DOCK9: variants seen among roughly 807,000 people sequenced by gnomAD.
DOCK9 encodes dedicator of cytokinesis protein 9.
In DOCK9, 89 loss-of-function variants were observed where a neutral mutation model predicts 263.3. The observed-to-expected ratio is 0.34, with a 90% CI of 0.28 to 0.40. The LOEUF (loss-of-function observed/expected upper bound fraction) is 0.40, where lower values mean the gene tolerates loss of function less well. Among genes scored for constraint, DOCK9 ranks in the 10% least tolerant of loss-of-function variants. The pLI is 1.00. For synonymous variants in DOCK9, 976 were observed against 973.1 expected, an observed-to-expected ratio of 1.00 and a Z score of -0.06; for missense variants, 2,140 against 2,603.4, an observed-to-expected ratio of 0.82 and a Z score of 3.87.
chr13:98,957,129 G>A (rs1369995972), intron 1 of DOCK9, among the ~76,000 whole-genome samples: 1 of 152,134 alleles, frequency 6.6e-6, no homozygotes, highest in East Asian at 1.9e-4. Context: ...CTGCAGCCAC[G>A]CACACAGGAT....
At chr13:98,926,679 A>G (rs1225683766) in intron 3 of DOCK9, among the ~76,000 whole-genome samples, 1 of 152,250 alleles carries the variant, frequency 6.6e-6, no homozygotes, top group African/African-American at 2.4e-5. Context: ...TCAAATATGA[A>G]TGAGTCAAAA....
chr13:98,934,994 A>G (rs1238608904), intron 2 of DOCK9, among the ~76,000 whole-genome samples: 1 of 152,224 alleles, frequency 6.6e-6, no homozygotes, highest in East Asian at 1.9e-4. Flanking sequence ...CGATGAGGAA[A>G]TAATTATTAG....
In DOCK9 at chr13:98,793,524, A is replaced by G. The variant is rs1235322666; in HGVS notation, c.*1102T>C. 4 of 152,660 alleles carry G rather than the reference A, an allele frequency of 2.6e-5. No individual in the cohort carries two copies. The highest frequency in any genetic ancestry group is 5.9e-5 in the Non-Finnish European group (4 of 68,036). 9.5% of individuals were successfully genotyped at this position (152,660 alleles called of 1,614,324 possible). On this transcript the variant is annotated 3_prime_UTR_variant, in exon 53 of 53. Transcript: ENST00000682017. ...TGTCTTTTTAATACAGATGTGGTAC[A>G]GAATGTTTAATTACAGCAGGGCAGT...
At chr13:98,800,724 G>A (rs987554594) in intron 49 of DOCK9, among the ~76,000 whole-genome samples, 5 of 152,100 alleles carry the variant, frequency 3.3e-5, no homozygotes, top group African/African-American at 4.8e-5. Context: ...TGTGACAAGC[G>A]TGTCTTTAAA....
intron 1 of DOCK9, among the ~76,000 whole-genome samples, chr13:99,040,536 A>C (rs1171734869): frequency 6.6e-6 from 1 of 152,256 alleles, no homozygotes; most frequent in East Asian, 1.9e-4. Flanking sequence ...GTATAAATAA[A>C]GCATTCTACT....
chr13:99,038,074 T>C (rs1387282288), intron 1 of DOCK9, among the ~76,000 whole-genome samples: 4 of 152,154 alleles, frequency 2.6e-5, no homozygotes, highest in African/African-American at 7.2e-5. Flanking sequence ...GTATTTTAAA[T>C]ATGTGCAGTT....
At chr13:98,978,119 A>G (rs1875752421), upstream of DOCK9, 2 of 1,380,180 alleles carry the variant, frequency 1.4e-6, no homozygotes, top group Non-Finnish European at 1.9e-6. Flanking sequence ...TTACTACTCC[A>G]TGCAAAAGGG....
chr13:98,911,088 A>C (rs981823362), intron 9 of DOCK9, among the ~76,000 whole-genome samples: 6 of 152,270 alleles, frequency 3.9e-5, no homozygotes, highest in South Asian at 4.1e-4. Flanking sequence ...GCTCACACTG[A>C]CACCAAGCTG....
At chr13:98,849,966 T>A in intron 36 of DOCK9, 81 bp downstream of exon 36, 3 of 1,021,978 alleles carry the variant, frequency 2.9e-6, no homozygotes, top group Non-Finnish European at 4.4e-6. Context: ...ACTCCTCTGG[T>A]TCAACTACAT....
Position 98,829,866 on chromosome 13 carries a change from G to T in DOCK9, c.4636-110C>A. 1.1e-6 allele frequency: 1 copy of T among 894,546 alleles called. No individual in the cohort carries two copies. 55.4% of individuals were successfully genotyped at this position (894,546 alleles called of 1,614,324 possible). On this transcript the variant is annotated intron_variant, in intron 41 of 52. Coordinates refer to ENST00000682017, the MANE Select transcript of DOCK9 (RefSeq NM_001366683.2). This position sits in a 1 kb window ranked among gnomAD's most constrained non-coding sequence, Gnocchi z 4.1. ...TAAGGACCCAGCAAAGTGGGGGTTG[G>T]GGGGTGCTTTGAGCAGGGGTCGCTC...
chr13:99,086,816 G>A (rs2042358545), upstream of DOCK9, among the ~76,000 whole-genome samples: 1 of 150,352 alleles, frequency 6.7e-6, no homozygotes, highest in Non-Finnish European at 1.5e-5. Flanking sequence ...GGACTGGCAG[G>A]GGCGGCGTGC....
chr13:98,885,979 A>G (rs1240266107), intron 19 of DOCK9, 148 bp from the exon 20 acceptor site: 1 of 680,452 alleles, frequency 1.5e-6, no homozygotes, highest in Non-Finnish European at 2.2e-6. Flanking sequence ...TACTGAGACT[A>G]TAAATTGTGC....
chr13:98,980,906 T>A (rs1326606167), upstream of DOCK9, among the ~76,000 whole-genome samples: 5 of 152,310 alleles, frequency 3.3e-5, no homozygotes, highest in East Asian at 9.6e-4. Context: ...TGGTTAGCAA[T>A]GACTATATTT....
At chr13:99,078,992 G>A (rs1008816790) in intron 1 of DOCK9, among the ~76,000 whole-genome samples, 11 of 152,312 alleles carry the variant, frequency 7.2e-5, no homozygotes, top group African/African-American at 9.6e-5. Context: ...AGGTCAGGCC[G>A]ATAGCCAGTC....
In DOCK9 at chr13:98,794,296, T is replaced by C. The variant is rs951629132; in HGVS notation, c.*330A>G. On this transcript the variant is annotated 3_prime_UTR_variant, in exon 53 of 53. Transcript: ENST00000682017. ...AGTGCAGCCCTCCCTGCCATGTAGA[T>C]CCCAGAACCTTTTTTTTCTGTAGGC... is the stretch of plus-strand genomic sequence containing the variant. The C allele has an allele frequency of 3.9e-6, 1 of 255,372 alleles. No individual in the cohort carries two copies. The highest frequency in any genetic ancestry group is 5.5e-5 in the Admixed American group (1 of 18,338). The allele number at this position is 255,372 out of a possible 1,614,324, so 15.8% of individuals were successfully genotyped here.
chr13:98,817,855 GTAGA>G (rs2091998821), intron 45 of DOCK9, among the ~76,000 whole-genome samples: 1 of 149,866 alleles, frequency 6.7e-6, no homozygotes, highest in African/African-American at 2.5e-5. Context: ...GTTTGATAAA[GTAGA>G]TAGAGCTTAG....
At chr13:98,841,970 T>C (rs2093236015) in intron 38 of DOCK9, among the ~76,000 whole-genome samples, 1 of 152,134 alleles carries the variant, frequency 6.6e-6, no homozygotes, top group Non-Finnish European at 1.5e-5. Context: ...ATTTTGAGTA[T>C]ATGTTTAAAG....
intron 1 of DOCK9, among the ~76,000 whole-genome samples, chr13:98,997,157 C>T (rs1881244962): frequency 1.3e-5 from 2 of 152,220 alleles, no homozygotes; most frequent in Non-Finnish European, 2.9e-5. Context: ...CGCACTTACC[C>T]TAGAACACGC....
chr13:98,872,600 T>C (rs1486329119), intron 27 of DOCK9, among the ~76,000 whole-genome samples: 1 of 152,098 alleles, frequency 6.6e-6, no homozygotes, highest in Admixed American at 6.5e-5. Context: ...AGAGATGACG[T>C]CTCACTATGT....
Sources: allele counts gnomAD v4.1 joint callset (sites outside exome capture counted in the v4.1 genomes callset), GRCh38; gene constraint gnomAD v4.1.1; non-coding constraint Gnocchi (gnomAD v3.1); transcripts MANE v1.5; gene names NCBI Gene and HGNC (gene_info 2026-07-23, HGNC 2026-07-21).